The following CTBP2 variants were observed in gnomAD, a reference collection of about 807,000 sequenced individuals.
The protein encoded by CTBP2 is C-terminal-binding protein 2.
Under a neutral mutation model 80.3 loss-of-function variants are expected in CTBP2, and 30 were observed. That is an observed-to-expected ratio of 0.37 (90% CI 0.28 to 0.51). The LOEUF is 0.51. Among genes scored for constraint, CTBP2 ranks in the 20% least tolerant of loss-of-function variants. The probability of loss-of-function intolerance (pLI) is 0.93; values close to 1 mark genes in which losing one functional copy is unlikely to be tolerated. For synonymous variants in CTBP2, 594 were observed against 587.4 expected (o/e 1.01, Z -0.16); for missense variants, 1,212 against 1,375.3 (o/e 0.88, Z 1.88).
In CTBP2 at chr10:125,103,071, G is replaced by A. The variant is rs969548690; in HGVS notation, c.-102+7919C>T. Among the ~76,000 whole-genome samples, 4 of 152,206 alleles carry A rather than the reference G, an allele frequency of 2.6e-5. No individual in the cohort carries two copies. The South Asian group carries it at 6.2e-4, about 24-fold the overall frequency. ...GGGGGCATGACTTCACTTCCCTGCG[G>A]TGGAAAGCTCAAGAACACGGCGTGA... On this transcript the variant is annotated intron_variant, in intron 2 of 10. Transcript: ENST00000337195.
chr10:125,091,407 T>C (rs1848741955), intron 2 of CTBP2, among the ~76,000 whole-genome samples: 1 of 152,220 alleles, frequency 6.6e-6, no homozygotes. Context: ...TGCATTGCAC[T>C]GTTCCCCTCT....
chr10:125,089,130 T>A (rs970554740), intron 2 of CTBP2, among the ~76,000 whole-genome samples: 1 of 152,246 alleles, frequency 6.6e-6, no homozygotes, highest in Non-Finnish European at 1.5e-5. Flanking sequence ...AGCTGCGACC[T>A]ACATAGTATT....
chr10:125,032,177 C>A (rs1353936767), upstream of CTBP2, among the ~76,000 whole-genome samples: 1 of 152,178 alleles, frequency 6.6e-6, no homozygotes, highest in Non-Finnish European at 1.5e-5. Flanking sequence ...TGTCAGGATT[C>A]CCATTTCTAG....
intron 1 of CTBP2, among the ~76,000 whole-genome samples, chr10:125,113,304 A>T (rs947729950): frequency 6.6e-6 from 1 of 152,152 alleles, no homozygotes; most frequent in African/African-American, 2.4e-5. Flanking sequence ...TTCAAAACCC[A>T]TCTCACAGGT....
At position 124,993,943 on chromosome 10, in the gene CTBP2, G is replaced by A. The variant is rs759877980; in HGVS notation, c.2443C>T (p.Leu815=). 6.2e-7 allele frequency: 1 copy of A among 1,614,198 alleles called. No individual in the cohort carries two copies. Among genetic ancestry groups the A allele is most frequent in the Non-Finnish European group, 8.5e-7 (1 of 1,180,042 alleles). Residue 815 remains leucine, a synonymous_variant, in exon 6 of 9, where the codon CTG becomes TTG. Coordinates refer to ENST00000309035, the MANE Select transcript of CTBP2 (RefSeq NM_022802.3). ...TGTGCTAAGGCTTTCTCGTCCACCA[G>A]GCCGCCACGGGCTGCGTTCACAAGG...
intron 3 of CTBP2, among the ~76,000 whole-genome samples, chr10:125,038,676 G>GA (rs1564774195): frequency 6.6e-6 from 1 of 152,078 alleles, no homozygotes; most frequent in Non-Finnish European, 1.5e-5. Flanking sequence ...TTCAGGAAGT[G>GA]AAAAAAGATG....
intron 2 of CTBP2, among the ~76,000 whole-genome samples, chr10:125,098,710 G>C (rs1850052906): frequency 7.6e-6 from 1 of 131,668 alleles, no homozygotes; most frequent in Non-Finnish European, 1.6e-5. Context: ...GAGAGAGACA[G>C]AGAGAGAGAG....
At position 125,149,124 on chromosome 10, in the gene CTBP2, A is replaced by G. The variant is rs891540616; in HGVS notation, c.-206+11195T>C. ...GCAAAGGATCCCTGAAACCTGGAAC[A>G]GGACAGGGGACACACCATAGACACG... On this transcript the variant is annotated intron_variant, in intron 1 of 10. Transcript: ENST00000337195. 4.6e-5 allele frequency among the ~76,000 whole-genome samples: 7 copies of G among 152,204 alleles called. No homozygotes were observed. The South Asian group carries it at 1.2e-3, about 27-fold the overall frequency.
At chr10:125,078,152 C>A (rs11813683) in intron 2 of CTBP2, among the ~76,000 whole-genome samples, 1 of 151,972 alleles carries the variant, frequency 6.6e-6, no homozygotes, top group Non-Finnish European at 1.5e-5. Flanking sequence ...TGGTGGCAGG[C>A]GCCTGTAGTC....
At chr10:125,100,386 C>T (rs1479598905) in intron 2 of CTBP2, among the ~76,000 whole-genome samples, 1 of 152,208 alleles carries the variant, frequency 6.6e-6, no homozygotes, top group African/African-American at 2.4e-5. Flanking sequence ...GTTCTACCAT[C>T]TGCACTTGGT....
intron 2 of CTBP2, among the ~76,000 whole-genome samples, chr10:125,080,131 T>G (rs1846951355): frequency 6.6e-6 from 1 of 152,196 alleles, no homozygotes; most frequent in Non-Finnish European, 1.5e-5. Flanking sequence ...GAGTATAAAT[T>G]TAACTACCAT....
intron 1 of CTBP2, among the ~76,000 whole-genome samples, chr10:125,112,017 C>A (rs1590850658): frequency 6.6e-6 from 1 of 151,986 alleles, no homozygotes; most frequent in Non-Finnish European, 1.5e-5. Flanking sequence ...CTGCTGCAGC[C>A]AGGCCTGACA....
In CTBP2 at chr10:125,094,942, AGAC is replaced by A. The variant is rs1782706739; in HGVS notation, c.-102+16045_-102+16047del. ...AGTAAGTGCATCAAAAAAGCAGAAC[AGAC>A]GACGAGCATGGGGGTGGGCTCCAGC... On this transcript the variant is annotated intron_variant, in intron 2 of 10. Coordinates refer to the CTBP2 transcript ENST00000337195. 2.6e-5 allele frequency among the ~76,000 whole-genome samples: 4 copies of A among 152,042 alleles called. No homozygotes were observed. In the South Asian group the frequency reaches 8.3e-4, roughly 32 times the overall value.
intron 2 of CTBP2, among the ~76,000 whole-genome samples, chr10:125,082,144 G>C (rs2135566728): frequency 6.6e-6 from 1 of 152,360 alleles, no homozygotes; most frequent in South Asian, 2.1e-4. Context: ...CCAAGGTCAG[G>C]GCTGGCCACG....
intron 3 of CTBP2, among the ~76,000 whole-genome samples, chr10:125,036,668 GGT>G (rs59284647): frequency 0.095 from 11,352 of 118,912 alleles, 271 homozygotes; most frequent in East Asian, 0.13. Flanking sequence ...AGCTAGAGGG[GGT>G]GTGTGTGTGT....
At chr10:125,069,357 C>T (rs1845113353) in intron 2 of CTBP2, among the ~76,000 whole-genome samples, 1 of 152,224 alleles carries the variant, frequency 6.6e-6, no homozygotes, top group African/African-American at 2.4e-5. Context: ...GTGGCTCACA[C>T]CCGTTATCCC....
chr10:125,002,578 G>C (rs570247013), intron 3 of CTBP2, among the ~76,000 whole-genome samples: 60 of 152,294 alleles, frequency 3.9e-4, no homozygotes, highest in African/African-American at 1.4e-3. Flanking sequence ...GGGCAGTTTA[G>C]GGGACACACA....
intron 1 of CTBP2, among the ~76,000 whole-genome samples, chr10:125,115,213 G>A (rs1239345932): frequency 1.3e-5 from 2 of 152,114 alleles, no homozygotes; most frequent in African/African-American, 2.4e-5. Flanking sequence ...AGGGGCCCTT[G>A]CACCCTGGAA....
At chr10:125,018,226 T>A (rs747110658) in intron 1 of CTBP2, among the ~76,000 whole-genome samples, 3 of 152,178 alleles carry the variant, frequency 2.0e-5, no homozygotes, top group Admixed American at 1.3e-4. Context: ...ATCATCCTTG[T>A]CAAATGCTCC....
Sources: allele counts gnomAD v4.1 joint callset (sites outside exome capture counted in the v4.1 genomes callset), GRCh38; gene constraint gnomAD v4.1.1; transcripts MANE v1.5; gene names NCBI Gene and HGNC (gene_info 2026-07-23, HGNC 2026-07-21).